The following JARID2 variants were observed in gnomAD, a reference collection of about 807,000 sequenced individuals.
JARID2 encodes the protein protein Jumonji.
A neutral mutation model predicts 125.6 loss-of-function variants in JARID2; 21 were observed. The ratio of observed to expected loss-of-function variants is 0.17; its 90% confidence interval spans 0.12 to 0.24. The LOEUF (loss-of-function observed/expected upper bound fraction) is 0.24, where lower values mean the gene tolerates loss of function less well. Among genes scored for constraint, JARID2 ranks in the 10% least tolerant of loss-of-function variants. JARID2 has a pLI of 1.00. For missense variants in JARID2, 1,303 were observed against 1,639.6 expected (o/e 0.79, Z 3.55); for synonymous variants, 736 against 661.6 (o/e 1.11, Z -1.73).
At position 15,410,351 on chromosome 6, in the gene JARID2, G is replaced by A. The variant is rs765543683; in HGVS notation, c.309G>A (p.Gly103=). Residue 103 remains glycine, a synonymous_variant, in exon 3 of 18, where the codon GGG becomes GGA. Transcript: ENST00000341776. ...TTAGTTCTTCAGATTTTGAAGAAGG[G>A]CCGTCGAGGAAAAGGTTAGTACCCA... ...NDVSSSDFEE[G]PSRKRPRLQA... The A allele has an allele frequency of 1.9e-6, 3 of 1,613,914 alleles. No homozygotes were observed. The highest frequency in any genetic ancestry group is 2.7e-5 in the African/African-American group (2 of 74,908).
chr6:15,350,945 G>A (rs1175107663), intron 1 of JARID2, among the ~76,000 whole-genome samples: 1 of 151,630 alleles, frequency 6.6e-6, no homozygotes, highest in South Asian at 2.1e-4. Context: ...TTATTCCAGG[G>A]TAGCTGGAGG....
intron 3 of JARID2, among the ~76,000 whole-genome samples, chr6:15,424,870 A>AAACAAC (rs565243083): frequency 1.3e-5 from 2 of 152,168 alleles, no homozygotes; most frequent in African/African-American, 2.4e-5. Context: ...AAACAAAACA[A>AAACAAC]AACAACAACA....
At chr6:15,458,731 G>A (rs1379054322) in intron 4 of JARID2, among the ~76,000 whole-genome samples, 3 of 152,234 alleles carry the variant, frequency 2.0e-5, no homozygotes, top group Non-Finnish European at 4.4e-5. Context: ...TGGCTGCAAA[G>A]GAATGCTGAC....
At chr6:15,404,066 C>G (rs1378363723) in intron 2 of JARID2, among the ~76,000 whole-genome samples, 1 of 152,232 alleles carries the variant, frequency 6.6e-6, no homozygotes, top group East Asian at 1.9e-4. Flanking sequence ...AAACCACTTT[C>G]ATTTGTGCCT....
chr6:15,296,330 A>G (rs1761413882), intron 1 of JARID2, among the ~76,000 whole-genome samples: 1 of 152,172 alleles, frequency 6.6e-6, no homozygotes, highest in African/African-American at 2.4e-5. Context: ...GCAGCAGCAA[A>G]TCAATATAAC....
At chr6:15,257,143 A>G (rs1759696906) in intron 1 of JARID2, among the ~76,000 whole-genome samples, 1 of 152,174 alleles carries the variant, frequency 6.6e-6, no homozygotes, top group Non-Finnish European at 1.5e-5. Flanking sequence ...GCCTTTGGAA[A>G]TACTTTTCTT....
At chr6:15,299,476 T>C (rs1761528255) in intron 1 of JARID2, among the ~76,000 whole-genome samples, 1 of 152,158 alleles carries the variant, frequency 6.6e-6, no homozygotes, top group Non-Finnish European at 1.5e-5. Context: ...ACTCCTGTGC[T>C]TTGTGTCAGA....
At chr6:15,312,090 C>G (rs914502156) in intron 1 of JARID2, among the ~76,000 whole-genome samples, 3 of 152,192 alleles carry the variant, frequency 2.0e-5, no homozygotes, top group African/African-American at 7.2e-5. Flanking sequence ...GAGTCTTGCC[C>G]TGTCACCCAG....
intron 1 of JARID2, among the ~76,000 whole-genome samples, chr6:15,287,372 A>C (rs1464396169): frequency 6.6e-6 from 1 of 152,146 alleles, no homozygotes; most frequent in African/African-American, 2.4e-5. Flanking sequence ...ATATGGTAAT[A>C]TGTTTCTTTG....
intron 1 of JARID2, among the ~76,000 whole-genome samples, chr6:15,281,138 G>A (rs1760733416): frequency 6.6e-6 from 1 of 152,152 alleles, no homozygotes; most frequent in Non-Finnish European, 1.5e-5. Context: ...GTGTGTATAA[G>A]CGTGGGAGAG....
At chr6:15,381,302 C>A (rs1257887880) in intron 2 of JARID2, among the ~76,000 whole-genome samples, 1 of 138,242 alleles carries the variant, frequency 7.2e-6, no homozygotes, top group Non-Finnish European at 1.5e-5. Context: ...GATCGTGCCA[C>A]TGCAATCCAG....
chr6:15,364,696 C>A (rs1417345912), intron 1 of JARID2, among the ~76,000 whole-genome samples: 1 of 152,212 alleles, frequency 6.6e-6, no homozygotes, highest in Non-Finnish European at 1.5e-5. Context: ...ATAAGACTCT[C>A]AGGGACGTAG....
chr6:15,406,485 C>T (rs1364733744), intron 2 of JARID2, among the ~76,000 whole-genome samples: 1 of 152,030 alleles, frequency 6.6e-6, no homozygotes, highest in Non-Finnish European at 1.5e-5. Flanking sequence ...AAAGGCAGTT[C>T]CTTATGTATG....
chr6:15,517,378 G>A, intron 17 of JARID2, 110 bp downstream of exon 17: 1 of 747,256 alleles, frequency 1.3e-6, no homozygotes, highest in South Asian at 1.5e-5. Flanking sequence ...GGGTAGTCAG[G>A]GCTCTGCAGG....
intron 11 of JARID2, among the ~76,000 whole-genome samples, chr6:15,507,756 G>C (rs1771078960): frequency 1.3e-5 from 2 of 152,214 alleles, no homozygotes; most frequent in African/African-American, 4.8e-5. Flanking sequence ...AGGATGGTCA[G>C]TAGGCTCGTA....
chr6:15,411,604 T>G (rs1242255237), intron 3 of JARID2, among the ~76,000 whole-genome samples: 3 of 152,226 alleles, frequency 2.0e-5, no homozygotes, highest in Admixed American at 6.5e-5. Context: ...TTACAGATAT[T>G]CCATAACAAA....
chr6:15,457,125 C>T (rs1260452776), intron 4 of JARID2, among the ~76,000 whole-genome samples: 1 of 152,010 alleles, frequency 6.6e-6, no homozygotes, highest in Non-Finnish European at 1.5e-5. Flanking sequence ...GTCTGATTTT[C>T]CTACTTAACA....
chr6:15,282,987 T>A (rs957008817), intron 1 of JARID2, among the ~76,000 whole-genome samples: 4 of 152,072 alleles, frequency 2.6e-5, no homozygotes, highest in Non-Finnish European at 2.9e-5. Flanking sequence ...TTATTTTTTT[T>A]ATTTTTTTTG....
chr6:15,284,811 G>A (rs977859153), intron 1 of JARID2, among the ~76,000 whole-genome samples: 2 of 152,028 alleles, frequency 1.3e-5, no homozygotes, highest in African/African-American at 4.8e-5. Context: ...CATAAGAAAG[G>A]ACAAAATAAG....
Sources: gnomAD v4.1 joint callset for allele counts (sites outside exome capture counted in the v4.1 genomes callset) on GRCh38, gnomAD v4.1.1 for gene constraint, MANE v1.5 for transcripts, NCBI Gene and HGNC (gene_info 2026-07-23, HGNC 2026-07-21) for gene names.